The following FBXL7 variants were observed in gnomAD, a reference collection of about 807,000 sequenced individuals.
FBXL7 encodes the protein F-box/LRR-repeat protein 7.
A neutral mutation model predicts 38.3 loss-of-function variants in FBXL7; 12 were observed. The ratio of observed to expected loss-of-function variants is 0.31; its 90% CI spans 0.20 to 0.51. The LOEUF (loss-of-function observed/expected upper bound fraction) is 0.51. FBXL7 is among the 20% of genes least tolerant of loss of function. FBXL7 has a pLI of 0.98. For missense variants in FBXL7, 567 were observed against 676.4 expected (o/e 0.84, Z 1.79); for synonymous variants, 297 against 300.9 (o/e 0.99, Z 0.13).
intron 2 of FBXL7, among the ~76,000 whole-genome samples, chr5:15,657,809 G>C (rs1741930979): frequency 6.6e-6 from 1 of 151,582 alleles, no homozygotes; most frequent in African/African-American, 2.4e-5. Flanking sequence ...TTGCACTCCA[G>C]CTTGGGCGAC....
intron 2 of FBXL7, among the ~76,000 whole-genome samples, chr5:15,689,211 T>G (rs933214923): frequency 2.0e-4 from 31 of 151,882 alleles, no homozygotes; most frequent in African/African-American, 7.5e-4. Context: ...GTTCCAACTC[T>G]TTTCTCTGTT....
intron 1 of FBXL7, among the ~76,000 whole-genome samples, chr5:15,562,866 G>A (rs1002359460): frequency 1.3e-5 from 2 of 152,094 alleles, no homozygotes; most frequent in African/African-American, 4.8e-5. Context: ...GTTCCAGGTG[G>A]AGACACAGAT....
chr5:15,677,564 G>GAAGGAAGT (rs1400340026), intron 2 of FBXL7, among the ~76,000 whole-genome samples: 3 of 151,292 alleles, frequency 2.0e-5, no homozygotes, highest in African/African-American at 7.3e-5. Flanking sequence ...AGGAAGGAAG[G>GAAGGAAGT]AAATTTCTAG....
chr5:15,860,407 T>C (rs959867120), intron 2 of FBXL7, among the ~76,000 whole-genome samples: 1 of 152,202 alleles, frequency 6.6e-6, no homozygotes, highest in Non-Finnish European at 1.5e-5. Context: ...TATTTTATTC[T>C]TTGTATCTCT....
intron 2 of FBXL7, among the ~76,000 whole-genome samples, chr5:15,901,064 G>T (rs1741221679): frequency 6.6e-6 from 1 of 152,190 alleles, no homozygotes; most frequent in African/African-American, 2.4e-5. Context: ...CTCTAAAAAT[G>T]CATTCTTCAG....
intron 2 of FBXL7, among the ~76,000 whole-genome samples, chr5:15,920,189 G>A (rs536233489): frequency 7.2e-5 from 11 of 152,126 alleles, no homozygotes; most frequent in Admixed American, 2.6e-4. Flanking sequence ...CCCAGGAGGC[G>A]GAGGTTGCAG....
intron 2 of FBXL7, among the ~76,000 whole-genome samples, chr5:15,778,415 C>T (rs191335427): frequency 3.3e-5 from 5 of 152,170 alleles, no homozygotes; most frequent in South Asian, 2.1e-4. Flanking sequence ...TAGTTCTCAA[C>T]GCTGGGTGCA....
chr5:15,870,081 G>C (rs1739888450), intron 2 of FBXL7, among the ~76,000 whole-genome samples: 1 of 152,138 alleles, frequency 6.6e-6, no homozygotes, highest in African/African-American at 2.4e-5. Context: ...CTGTACTCCA[G>C]GATGGGTGAC....
intron 2 of FBXL7, among the ~76,000 whole-genome samples, chr5:15,744,182 C>T (rs1735957948): frequency 6.6e-6 from 1 of 152,214 alleles, no homozygotes; most frequent in Non-Finnish European, 1.5e-5. Context: ...AAATTTCTCC[C>T]TGGAAAATAG....
chr5:15,533,981 TTTA>T (rs1432502192), intron 1 of FBXL7, among the ~76,000 whole-genome samples: 14 of 151,976 alleles, frequency 9.2e-5, no homozygotes, highest in Admixed American at 7.9e-4. Flanking sequence ...ATTAAGTCTG[TTTA>T]TTACTTAAAT....
chr5:15,846,715 A>G (rs1385428958), intron 2 of FBXL7, among the ~76,000 whole-genome samples: 4 of 152,208 alleles, frequency 2.6e-5, no homozygotes, highest in Non-Finnish European at 4.4e-5. Flanking sequence ...CTCAAGTTAC[A>G]TTCTTGGGAG....
At chr5:15,756,495 A>G (rs971601734) in intron 2 of FBXL7, among the ~76,000 whole-genome samples, 2 of 152,156 alleles carry the variant, frequency 1.3e-5, no homozygotes, top group African/African-American at 4.8e-5. Context: ...ATTTGGAAAT[A>G]TCTGTTCTCA....
At chr5:15,762,797 A>G (rs1316664163) in intron 2 of FBXL7, among the ~76,000 whole-genome samples, 1 of 152,186 alleles carries the variant, frequency 6.6e-6, no homozygotes, top group Non-Finnish European at 1.5e-5. Flanking sequence ...ATTTTGGTTG[A>G]AACATATCTG....
chr5:15,830,485 A>C (rs666829), intron 2 of FBXL7, among the ~76,000 whole-genome samples: 10,428 of 144,476 alleles, frequency 0.072, 1,027 homozygotes, highest in Non-Finnish European at 0.1. Context: ...CTCCATCTAA[A>C]ACACACACAC....
At chr5:15,891,736 T>C (rs1407999301) in intron 2 of FBXL7, among the ~76,000 whole-genome samples, 2 of 152,174 alleles carry the variant, frequency 1.3e-5, no homozygotes, top group Non-Finnish European at 2.9e-5. Context: ...CAGGAACAGA[T>C]GGCACATTCA....
At chr5:15,638,567 G>T (rs1741259645) in intron 2 of FBXL7, among the ~76,000 whole-genome samples, 1 of 152,040 alleles carries the variant, frequency 6.6e-6, no homozygotes, top group African/African-American at 2.4e-5. Flanking sequence ...AGTGTCGAGT[G>T]CATGCAGTAA....
chr5:15,500,559 C>A lies in FBXL7; in HGVS notation c.-118C>A. 7.0e-7 allele frequency: 1 copy of A among 1,434,534 alleles called. No homozygotes were observed. 88.9% of individuals were successfully genotyped at this position (1,434,534 alleles called of 1,614,324 possible). On this transcript the variant is annotated 5_prime_UTR_variant, in exon 1 of 4. Transcript: ENST00000504595. Reference sequence around the variant, plus strand: ...TCCAGGCCGGAGGTCGGCCCCGGAGCTTGGGGGGGATGTGCAGCTAACGGT... The same window carrying A: ...TCCAGGCCGGAGGTCGGCCCCGGAGATTGGGGGGGATGTGCAGCTAACGGT...
intron 1 of FBXL7, among the ~76,000 whole-genome samples, chr5:15,523,278 G>C (rs1218600008): frequency 6.6e-6 from 1 of 152,214 alleles, no homozygotes; most frequent in African/African-American, 2.4e-5. Flanking sequence ...CACATAGTAG[G>C]CTGGGTGCGG....
chr5:15,750,469 T>A (rs1329020778), intron 2 of FBXL7, among the ~76,000 whole-genome samples: 2 of 152,148 alleles, frequency 1.3e-5, no homozygotes, highest in African/African-American at 4.8e-5. Context: ...CTTGGTTTAG[T>A]GTAAAGGGAA....
Sources: gnomAD v4.1 joint callset for allele counts (sites outside exome capture counted in the v4.1 genomes callset) on GRCh38, gnomAD v4.1.1 for gene constraint, MANE v1.5 for transcripts, NCBI Gene and HGNC (gene_info 2026-07-23, HGNC 2026-07-21) for gene names.